Variants in THSD4 observed in about 807,000 individuals in gnomAD.
The protein encoded by THSD4 is thrombospondin type 1 domain containing 4.
Under a neutral mutation model 119.0 loss-of-function variants are expected in THSD4, and 69 were observed. That is an observed-to-expected ratio of 0.58 (90% CI 0.48 to 0.71). The LOEUF (loss-of-function observed/expected upper bound fraction) is 0.71, where lower values mean the gene tolerates loss of function less well. THSD4 is among the 30% of genes least tolerant of loss of function. The pLI is 0.00. For synonymous variants in THSD4, 524 were observed against 540.4 expected, an observed-to-expected ratio of 0.97 and a Z score of 0.42; for missense variants, 1,393 against 1,391.1, an observed-to-expected ratio of 1.00 and a Z score of -0.02.
intron 6 of THSD4, among the ~76,000 whole-genome samples, chr15:71,398,129 T>C (rs917094512): frequency 5.3e-5 from 8 of 152,170 alleles, no homozygotes; most frequent in African/African-American, 1.9e-4. Flanking sequence ...TTAGTAGGAT[T>C]AGTGGCTATG....
chr15:71,399,196 T>C (rs1470859860), intron 6 of THSD4, among the ~76,000 whole-genome samples: 1 of 152,138 alleles, frequency 6.6e-6, no homozygotes, highest in Non-Finnish European at 1.5e-5. Flanking sequence ...GCTCTACCAC[T>C]TACCAACCAT....
intron 6 of THSD4, among the ~76,000 whole-genome samples, chr15:71,359,448 C>CT (rs1343599714): frequency 2.6e-5 from 4 of 152,172 alleles, no homozygotes; most frequent in Admixed American, 6.5e-5. Flanking sequence ...GATGAGCAAA[C>CT]TGAGGCTTAG....
At chr15:71,748,673 G>T in intron 14 of THSD4, 79 bp downstream of exon 14, 2 of 1,523,516 alleles carry the variant, frequency 1.3e-6, no homozygotes, top group Non-Finnish European at 1.8e-6. Flanking sequence ...TGAGTCACTA[G>T]CTCAGAATCC....
chr15:71,737,329 T>C (rs1482487690), intron 10 of THSD4, among the ~76,000 whole-genome samples: 5 of 152,382 alleles, frequency 3.3e-5, no homozygotes, highest in African/African-American at 1.2e-4. Flanking sequence ...TGTGTTTTCC[T>C]GCACCTTCAA....
chr15:71,554,095 GT>G lies in THSD4; in HGVS notation c.1153-106423del, dbSNP rs58075201. Among the ~76,000 whole-genome samples the G allele has an allele frequency of 3.6e-3, 501 of 137,568 alleles. 5 individuals carry two copies. The highest frequency in any genetic ancestry group is 5.5e-3 in the Non-Finnish European group (356 of 64,842). 90.2% of individuals were successfully genotyped at this position (137,568 alleles called of 152,430 possible). The stretch of plus-strand genomic sequence containing the variant: ...TTTCGTTTGTTTTTTGTTTGGTTTG[GT>G]TTTTTTTTTTTCAGATGGAGTCTCG... On this transcript the variant is annotated intron_variant, in intron 7 of 17. Transcript: ENST00000261862.
At chr15:71,550,663 A>G (rs1230736779) in intron 7 of THSD4, among the ~76,000 whole-genome samples, 2 of 152,150 alleles carry the variant, frequency 1.3e-5, no homozygotes, top group African/African-American at 4.8e-5. Flanking sequence ...GATGGTCTCA[A>G]TCTCCTGACC....
At chr15:71,550,908 AAG>A (rs369199802) in intron 7 of THSD4, among the ~76,000 whole-genome samples, 5 of 152,224 alleles carry the variant, frequency 3.3e-5, no homozygotes, top group Admixed American at 1.3e-4. Context: ...TATCCTTTAA[AAG>A]AGCAATTTTA....
At chr15:71,126,192 C>A (rs2040454304) in intron 1 of THSD4, among the ~76,000 whole-genome samples, 1 of 152,186 alleles carries the variant, frequency 6.6e-6, no homozygotes, top group Non-Finnish European at 1.5e-5. Context: ...AGTGGACAGT[C>A]AGGGCTCTTA....
At chr15:71,596,183 T>C (rs1194753140) in intron 7 of THSD4, among the ~76,000 whole-genome samples, 2 of 152,224 alleles carry the variant, frequency 1.3e-5, no homozygotes, top group East Asian at 3.8e-4. Context: ...CTGTGGTGGT[T>C]GAGTGAAATG....
At chr15:71,359,342 A>T (rs12907830) in intron 6 of THSD4, among the ~76,000 whole-genome samples, 13,453 of 152,298 alleles carry the variant, frequency 0.088, 716 homozygotes, top group Middle Eastern at 0.13. Context: ...CTCTATTGAT[A>T]TAGTACCTTC....
intron 11 of THSD4, among the ~76,000 whole-genome samples, chr15:71,741,393 T>G (rs1264470975): frequency 6.6e-6 from 1 of 152,050 alleles, no homozygotes; most frequent in Non-Finnish European, 1.5e-5. Context: ...CTCGGGAGGC[T>G]GAGGCAGGAC....
At chr15:71,648,900 G>A (rs1377592193) in intron 7 of THSD4, among the ~76,000 whole-genome samples, 1 of 152,188 alleles carries the variant, frequency 6.6e-6, no homozygotes, top group Non-Finnish European at 1.5e-5. Context: ...AGCCTCACAA[G>A]AGATTTGTGA....
chr15:71,610,555 A>T (rs1000068938), intron 7 of THSD4, among the ~76,000 whole-genome samples: 2 of 152,210 alleles, frequency 1.3e-5, no homozygotes, highest in Non-Finnish European at 2.9e-5. Context: ...AGATGACAAC[A>T]GGGACAGGTT....
chr15:71,745,240 GAA>G lies in THSD4; in HGVS notation c.2036+6_2036+7del. 6.2e-7 allele frequency: 1 copy of G among 1,613,752 alleles called. No individual in the cohort carries two copies. Among genetic ancestry groups the G allele is most frequent in the East Asian group, 2.2e-5 (1 of 44,872 alleles). On this transcript the variant is annotated splice_donor_region_variant and intron_variant, in intron 12 of 17. Transcript: ENST00000261862. ...CATCTTCCCTTGCCCAGCCTTGTAA[GAA>G]GGCCCCTCCATTTAGGTCGCCTATT... is the stretch of plus-strand genomic sequence containing the variant.
At chr15:71,677,682 A>G (rs890072493) in intron 8 of THSD4, among the ~76,000 whole-genome samples, 8 of 152,090 alleles carry the variant, frequency 5.3e-5, no homozygotes, top group Non-Finnish European at 8.8e-5. Context: ...TGATTGTTTC[A>G]CATTTTCTGC....
intron 3 of THSD4, among the ~76,000 whole-genome samples, chr15:71,199,882 GCATGTGTGGTA>G (rs1324249595): frequency 0.046 from 2,416 of 52,690 alleles, 19 homozygotes; most frequent in African/African-American, 0.082. Context: ...TGTGTGTGGT[GCATGTGTGGTA>G]TGTGTGTGTG....
chr15:71,112,386 C>T (rs1229502285), upstream of THSD4: 3 of 643,632 alleles, frequency 4.7e-6, no homozygotes, highest in Non-Finnish European at 4.8e-6. Context: ...CTTACATAGA[C>T]AGAACTGACA....
chr15:71,195,421 A>T (rs1166004717), intron 3 of THSD4, among the ~76,000 whole-genome samples: 1 of 152,218 alleles, frequency 6.6e-6, no homozygotes. Context: ...AAGGACATTT[A>T]TCTTGTCACT....
chr15:71,131,456 C>T (rs993535606), intron 1 of THSD4, among the ~76,000 whole-genome samples: 6 of 147,842 alleles, frequency 4.1e-5, no homozygotes, highest in South Asian at 2.1e-4. Context: ...TCTCACAGAG[C>T]GAGACTCCAT....
Sources: allele counts gnomAD v4.1 joint callset (sites outside exome capture counted in the v4.1 genomes callset), GRCh38; gene constraint gnomAD v4.1.1; transcripts MANE v1.5; gene names NCBI Gene and HGNC (gene_info 2026-07-23, HGNC 2026-07-21).